GBP6: variants seen among roughly 807,000 people sequenced by gnomAD.
The protein encoded by GBP6 is guanylate binding protein family member 6, also known as guanylate-binding protein 6.
Under a neutral mutation model 61.5 loss-of-function variants are expected in GBP6, and 54 were observed. That is an observed-to-expected ratio of 0.88 (90% CI 0.71 to 1.10). The LOEUF (loss-of-function observed/expected upper bound fraction) is 1.10. Ranked by LOEUF, GBP6 falls within the 50% of genes least tolerant of loss-of-function variation. The probability of loss-of-function intolerance (pLI) is 0.00; values close to 1 mark genes in which losing one functional copy is unlikely to be tolerated. For missense variants in GBP6, 748 were observed against 752.8 expected, an observed-to-expected ratio of 0.99 and a Z score of 0.07; for synonymous variants, 255 against 273.7, an observed-to-expected ratio of 0.93 and a Z score of 0.67.
At chr1:89,370,055 C>G (rs1652580010) in intron 3 of GBP6, among the ~76,000 whole-genome samples, 1 of 152,182 alleles carries the variant, frequency 6.6e-6, no homozygotes, top group African/African-American at 2.4e-5. Flanking sequence ...GCAATGCAAT[C>G]CCTGCCCTCT....
Position 89,384,158 on chromosome 1 carries a change from C to A in GBP6, c.1534C>A (p.Gln512Lys). Reference sequence around the variant, plus strand: ...ACTTTTAAAACAGAAATTACAGGAGCAGCAGCAACAGATGGAGGCTCAAGA... The same window carrying A: ...ACTTTTAAAACAGAAATTACAGGAGAAGCAGCAACAGATGGAGGCTCAAGA... ...QELLKQKLQE[Q>K]QQQMEAQDKS... Residue 512 changes from glutamine (Q) to lysine (K), a missense_variant, in exon 10 of 11, where the codon CAG (glutamine) becomes AAG (lysine). Gln to Lys is a moderately conservative substitution (Grantham distance 53). Transcript: ENST00000370456. The A allele has an allele frequency of 1.2e-6, 2 of 1,614,004 alleles. No individual in the cohort carries two copies. The highest frequency in any genetic ancestry group is 1.7e-6 in the Non-Finnish European group (2 of 1,179,932).
At chr1:89,379,356 G>C (rs77485370) in intron 5 of GBP6, among the ~76,000 whole-genome samples, 4 of 135,232 alleles carry the variant, frequency 3.0e-5, no homozygotes, top group Admixed American at 1.5e-4. Flanking sequence ...TGGGGGGGGG[G>C]GGTCATATTT....
At chr1:89,370,789 C>A (rs1052843359) in intron 3 of GBP6, among the ~76,000 whole-genome samples, 7 of 152,172 alleles carry the variant, frequency 4.6e-5, no homozygotes, top group African/African-American at 1.7e-4. Flanking sequence ...TGTTACCTCA[C>A]ATAGTTACCG....
Position 89,369,588 on chromosome 1 carries a change from T to A in GBP6, c.233T>A (p.Ile78Asn). 3.1e-6 allele frequency: 5 copies of A among 1,614,122 alleles called. No individual in the cohort carries two copies. The highest frequency in any genetic ancestry group is 4.2e-6 in the Non-Finnish European group (5 of 1,179,976). Residue 78 changes from isoleucine (I) to asparagine (N), a missense_variant, in exon 3 of 11, where the codon ATC becomes AAC. Physicochemically the swap from Ile to Asn is moderately radical, Grantham distance 149. Transcript: ENST00000370456. ...GSTVQSETKGIWMWCVPHPSK... is the reference protein window; with the variant it reads ...GSTVQSETKGNWMWCVPHPSK... ...ACGGTGCAGTCTGAAACCAAGGGCA[T>A]CTGGATGTGGTGCGTGCCCCACCCA...
intron 3 of GBP6, among the ~76,000 whole-genome samples, chr1:89,372,304 G>GAA (rs143569320): frequency 4.0e-5 from 6 of 151,818 alleles, no homozygotes; most frequent in Non-Finnish European, 8.8e-5. Flanking sequence ...CAGAGAATTG[G>GAA]AAAAACTACT....
intron 5 of GBP6, 28 bp downstream of exon 5, chr1:89,378,641 T>C: frequency 6.4e-7 from 1 of 1,561,012 alleles, no homozygotes; most frequent in Non-Finnish European, 8.8e-7. Context: ...GGGCTGTGGG[T>C]GGTCCACTGG....
In GBP6 at chr1:89,368,539, G is replaced by A. The variant is rs1652527057; in HGVS notation, c.-13G>A. 2 of 1,611,524 alleles carry A rather than the reference G, an allele frequency of 1.2e-6. No homozygotes were observed. The highest frequency in any genetic ancestry group is 2.7e-5 in the African/African-American group (2 of 74,878). On this transcript the variant is annotated 5_prime_UTR_variant, in exon 2 of 11. Coordinates refer to ENST00000370456, the MANE Select transcript of GBP6 (RefSeq NM_198460.3). ...TATTTCTACTGGGAGGCTCTTCTAG[G>A]TTGGCAGTTGCCATGGAATCTGGAC... is the stretch of plus-strand genomic sequence containing the variant.
rs771853810 is a variant in GBP6, at chr1:89,369,605, C to T, written c.250C>T (p.Pro84Ser). The T allele has an allele frequency of 6.2e-6, 10 of 1,613,852 alleles. No individual in the cohort carries two copies. Among genetic ancestry groups the T allele is most frequent in the Non-Finnish European group, 8.5e-6 (10 of 1,179,888 alleles). ...CAAGGGCATCTGGATGTGGTGCGTG[C>T]CCCACCCATCCAAGCCAAACCACAC... ...ETKGIWMWCV[P>S]HPSKPNHTLV... Residue 84 changes from proline to serine, a missense_variant, in exon 3 of 11, where the codon CCC (proline) becomes TCC (serine). Coordinates refer to ENST00000370456, the MANE Select transcript of GBP6 (RefSeq NM_198460.3).
chr1:89,369,726 A>G lies in GBP6; in HGVS notation c.318+53A>G, dbSNP rs1289258365. 2.6e-6 allele frequency: 4 copies of G among 1,565,624 alleles called. No homozygotes were observed. In the African/African-American group the frequency reaches 5.4e-5, roughly 21 times the overall value. On this transcript the variant is annotated intron_variant, in intron 3 of 10. Transcript: ENST00000370456. Reference sequence around the variant, plus strand: ...CTTTTATTCCAGACGTGATCCTTGTAATTAAACTGTTGTGATCTATTTGTG... The same window carrying G: ...CTTTTATTCCAGACGTGATCCTTGTGATTAAACTGTTGTGATCTATTTGTG...
At chr1:89,382,120 A>C in intron 7 of GBP6, 146 bp downstream of exon 7, 1 of 803,276 alleles carries the variant, frequency 1.2e-6, no homozygotes. Flanking sequence ...AAAAGACTAC[A>C]TATAAGCACT....
At chr1:89,375,836 A>G (rs1159233337) in intron 3 of GBP6, among the ~76,000 whole-genome samples, 1 of 152,090 alleles carries the variant, frequency 6.6e-6, no homozygotes, top group East Asian at 1.9e-4. Context: ...TGCCCAAACC[A>G]ATGTCAAGTT....
chr1:89,378,182 C>A lies in GBP6; in HGVS notation c.398C>A (p.Thr133Asn), dbSNP rs865808474. The A allele has an allele frequency of 1.9e-6, 3 of 1,612,656 alleles. No individual in the cohort carries two copies. Among genetic ancestry groups the A allele is most frequent in the Middle Eastern group, 1.7e-4 (1 of 6,040 alleles). The change falls in exon 4 of 11, where the codon ACC (threonine) becomes AAC (asparagine). Residue 133 changes from threonine (T) to asparagine (N), a missense_variant. Coordinates refer to ENST00000370456, the MANE Select transcript of GBP6 (RefSeq NM_198460.3). Reference sequence around the variant, plus strand: ...ACCTTTGTCTACAACAGCATGAGCACCATCAACCACCAGGCCCTGGAGCAG... The same window carrying A: ...ACCTTTGTCTACAACAGCATGAGCAACATCAACCACCAGGCCCTGGAGCAG... ...CSTFVYNSMS[T>N]INHQALEQLH...
intron 8 of GBP6, 117 bp downstream of exon 8, chr1:89,382,993 C>CACT (rs909364883): frequency 6.4e-6 from 4 of 620,210 alleles, no homozygotes; most frequent in Admixed American, 6.0e-5. Flanking sequence ...TTTCAATGTC[C>CACT]ACTAATTAAT....
chr1:89,368,000 T>C (rs558214313), intron 1 of GBP6, among the ~76,000 whole-genome samples: 4 of 152,208 alleles, frequency 2.6e-5, no homozygotes, highest in Admixed American at 6.5e-5. Flanking sequence ...TATGACTGTT[T>C]TCCAGAGCTC....
At chr1:89,370,829 T>G (rs964334738) in intron 3 of GBP6, among the ~76,000 whole-genome samples, 1 of 152,228 alleles carries the variant, frequency 6.6e-6, no homozygotes, top group Non-Finnish European at 1.5e-5. Context: ...TCTTTTTATT[T>G]TTTGGTGTGG....
Position 89,384,294 on chromosome 1 carries a change from T to G in GBP6, c.1662+8T>G, listed in dbSNP as rs1315340343. The G allele has an allele frequency of 6.2e-7, 1 of 1,603,880 alleles. No individual in the cohort carries two copies. The highest frequency in any genetic ancestry group is 1.3e-5 in the African/African-American group (1 of 74,632). On this transcript the variant is annotated splice_region_variant and intron_variant, in intron 10 of 10. Transcript: ENST00000370456. Reference sequence around the variant, plus strand: ...TTGGAGCACACGCAGAAGGTAAGTCTGCCCTTGGCCTCAGCAGGCCAGACG... The same window carrying G: ...TTGGAGCACACGCAGAAGGTAAGTCGGCCCTTGGCCTCAGCAGGCCAGACG...
At chr1:89,371,391 G>A (rs1652636464) in intron 3 of GBP6, among the ~76,000 whole-genome samples, 1 of 152,170 alleles carries the variant, frequency 6.6e-6, no homozygotes, top group Non-Finnish European at 1.5e-5. Flanking sequence ...TATCCCTGAT[G>A]AACATCAATG....
In GBP6 at chr1:89,367,188, G is replaced by A. The variant is rs559216400; in HGVS notation, c.-23-1341G>A. On this transcript the variant is annotated intron_variant, in intron 1 of 10. Transcript: ENST00000370456. ...TGTATATGTAGAAGTAGAATAGCTT[G>A]ATCAAATGTTAATTGTATGTTTGGT... Among the ~76,000 whole-genome samples the A allele has an allele frequency of 2.0e-5, 3 of 152,246 alleles. No homozygotes were observed. The South Asian group carries it at 6.2e-4, about 32-fold the overall frequency.
At chr1:89,374,294 C>T (rs961177618) in intron 3 of GBP6, among the ~76,000 whole-genome samples, 34 of 152,170 alleles carry the variant, frequency 2.2e-4, no homozygotes, top group South Asian at 4.1e-4. Flanking sequence ...GATGGACATT[C>T]GGGTAGTTTC....
Sources: allele counts gnomAD v4.1 joint callset (sites outside exome capture counted in the v4.1 genomes callset), GRCh38; gene constraint gnomAD v4.1.1; transcripts MANE v1.5; gene names NCBI Gene and HGNC (gene_info 2026-07-23, HGNC 2026-07-21).